TENM3: variants seen among roughly 807,000 people sequenced by gnomAD.
TENM3 encodes the protein teneurin-3.
TENM3 carries 63 observed loss-of-function variants against 255.1 expected under a neutral mutation model. The ratio of observed to expected loss-of-function variants is 0.25; its 90% CI spans 0.20 to 0.30. The LOEUF (loss-of-function observed/expected upper bound fraction) is 0.30, where lower values mean the gene tolerates loss of function less well. Among genes scored for constraint, TENM3 ranks in the 10% least tolerant of loss-of-function variants. TENM3 has a pLI of 1.00. For synonymous variants in TENM3, 1,306 were observed against 1,322.3 expected, an observed-to-expected ratio of 0.99 and a Z score of 0.27; for missense variants, 2,929 against 3,461.1, an observed-to-expected ratio of 0.85 and a Z score of 3.86.
At chr4:181,543,124 C>G in the TENM3 span, among the ~76,000 whole-genome samples, 1 of 152,082 alleles carries the variant, frequency 6.6e-6, no homozygotes, top group African/African-American at 2.4e-5. Context: ...AAGACAGAAC[C>G]CCTAAAATTT....
chr4:181,727,086 T>A, the TENM3 span, among the ~76,000 whole-genome samples: 1 of 152,106 alleles, frequency 6.6e-6, no homozygotes, highest in Non-Finnish European at 1.5e-5. Flanking sequence ...GCCTCTTGGG[T>A]TTTTATGGAA....
the TENM3 span, among the ~76,000 whole-genome samples, chr4:181,799,205 C>G: frequency 6.6e-6 from 1 of 152,206 alleles, no homozygotes; most frequent in Non-Finnish European, 1.5e-5. Flanking sequence ...CTGTAATCCT[C>G]AAGGTTGGAT....
At chr4:181,788,399 A>G in the TENM3 span, among the ~76,000 whole-genome samples, 10 of 152,182 alleles carry the variant, frequency 6.6e-5, no homozygotes, top group East Asian at 1.2e-3. Context: ...GATGCCAAGC[A>G]CTTTACATCT....
chr4:181,655,672 G>C, the TENM3 span, among the ~76,000 whole-genome samples: 1 of 152,192 alleles, frequency 6.6e-6, no homozygotes, highest in African/African-American at 2.4e-5. Context: ...CCCAGGGGCG[G>C]TGTTATCCCA....
the TENM3 span, among the ~76,000 whole-genome samples, chr4:182,051,066 G>GT: frequency 8.6e-4 from 130 of 152,018 alleles, no homozygotes; most frequent in African/African-American, 3.1e-3. Context: ...AATGAAGTCT[G>GT]GGCATGGTGG....
rs1561153804 is a variant in TENM3, at chr4:182,161,835, A to ATT, written c.-76+17082_-76+17083insTT. On this transcript the variant is annotated intron_variant, in intron 1 of 2. Coordinates refer to the TENM3 transcript ENST00000512480. ...TATATGTATATATATACACATATATATGTGTATATATACACAAATATATAT... is the reference window on the plus strand; with the variant it reads ...TATATGTATATATATACACATATATATTTGTGTATATATACACAAATATATAT... Among the ~76,000 whole-genome samples the ATT allele has an allele frequency of 2.3e-4, 9 of 39,428 alleles. 2 individuals carry two copies. In the Admixed American group the frequency reaches 2.3e-3, roughly 10 times the overall value. The allele number at this position is 39,428 out of a possible 152,430, so 25.9% of individuals were successfully genotyped here.
intron 3 of TENM3, among the ~76,000 whole-genome samples, chr4:182,381,326 G>A (rs998768770): frequency 2.6e-5 from 4 of 152,182 alleles, no homozygotes; most frequent in African/African-American, 7.2e-5. Context: ...CTGTCAACAT[G>A]TAAGGAGGAG....
rs768099744 is a variant in TENM3 at position 182,796,673 on chromosome 4, T to C, written c.7250T>C (p.Leu2417Pro). The change falls in exon 27 of 28, where the codon CTG becomes CCG. Residue 2417 changes from leucine to proline, a missense_variant. Transcript: ENST00000511685. ...TGGCTGGTGACATTTGGTTTCCATC[T>C]GCACAATGCTATTCCTGGATTCCCT... ...NSWLVTFGFHLHNAIPGFPVP... is the reference protein window; with the variant it reads ...NSWLVTFGFHPHNAIPGFPVP... The C allele has an allele frequency of 1.9e-6, 3 of 1,612,462 alleles. No homozygotes were observed. The highest frequency in any genetic ancestry group is 2.2e-5 in the South Asian group (2 of 90,552).
the TENM3 span, among the ~76,000 whole-genome samples, chr4:181,845,986 C>T: frequency 2.1e-3 from 319 of 152,306 alleles, 4 homozygotes; most frequent in African/African-American, 7.4e-3. Context: ...TTCCTATTTA[C>T]GCTAAGGTTC....
At chr4:181,963,207 G>T in the TENM3 span, among the ~76,000 whole-genome samples, 2 of 152,204 alleles carry the variant, frequency 1.3e-5, no homozygotes, top group Non-Finnish European at 2.9e-5. Flanking sequence ...AGCCCGATCC[G>T]TCAGTGGCTA....
At chr4:182,122,221 T>A in the TENM3 span, among the ~76,000 whole-genome samples, 8 of 152,202 alleles carry the variant, frequency 5.3e-5, no homozygotes, top group African/African-American at 1.9e-4. Context: ...AAGTCATCCA[T>A]GAGGGTTGGA....
chr4:182,114,884 C>A, the TENM3 span, among the ~76,000 whole-genome samples: 1 of 152,112 alleles, frequency 6.6e-6, no homozygotes, highest in Non-Finnish European at 1.5e-5. Context: ...AATACATGAA[C>A]AAAATCCACA....
the TENM3 span, among the ~76,000 whole-genome samples, chr4:181,940,531 A>T: frequency 6.6e-6 from 1 of 152,250 alleles, no homozygotes; most frequent in Non-Finnish European, 1.5e-5. Flanking sequence ...ACTATATAAC[A>T]TAATAGAAAA....
At chr4:182,236,252 G>A (rs1289068323) in intron 1 of TENM3, among the ~76,000 whole-genome samples, 1 of 152,130 alleles carries the variant, frequency 6.6e-6, no homozygotes, top group South Asian at 2.1e-4. Flanking sequence ...CACTGAATAA[G>A]ACATCATATT....
At chr4:182,621,222 C>G (rs957929710) in intron 4 of TENM3, among the ~76,000 whole-genome samples, 4 of 151,840 alleles carry the variant, frequency 2.6e-5, no homozygotes, top group Admixed American at 6.6e-5. Context: ...CACTGTATTG[C>G]CCAGGCTGGT....
At chr4:181,657,558 C>T in the TENM3 span, among the ~76,000 whole-genome samples, 2 of 152,162 alleles carry the variant, frequency 1.3e-5, no homozygotes, top group Admixed American at 6.5e-5. Flanking sequence ...TGAATTAGTT[C>T]GGCCACTGCA....
the TENM3 span, among the ~76,000 whole-genome samples, chr4:181,677,184 A>T: frequency 2.0e-5 from 3 of 151,910 alleles, no homozygotes; most frequent in Non-Finnish European, 2.9e-5. Flanking sequence ...AATGCCCATG[A>T]TTCACAAATT....
At chr4:182,641,637 C>A (rs1388319429) in intron 5 of TENM3, among the ~76,000 whole-genome samples, 1 of 151,940 alleles carries the variant, frequency 6.6e-6, no homozygotes, top group Admixed American at 6.6e-5. Context: ...AAGTGAATCT[C>A]CTGCCTCAGC....
At chr4:181,518,297 G>A in the TENM3 span, among the ~76,000 whole-genome samples, 1 of 151,414 alleles carries the variant, frequency 6.6e-6, no homozygotes, top group Non-Finnish European at 1.5e-5. Context: ...GTCAGCATGT[G>A]GGGTTTTTTT....
Sources: gnomAD v4.1 joint callset for allele counts (sites outside exome capture counted in the v4.1 genomes callset) on GRCh38, gnomAD v4.1.1 for gene constraint, MANE v1.5 for transcripts, NCBI Gene and HGNC (gene_info 2026-07-23, HGNC 2026-07-21) for gene names.